The following GPR141 variants were observed in gnomAD, a reference collection of about 807,000 sequenced individuals.
GPR141 encodes probable G protein-coupled receptor 141.
In GPR141, 6 loss-of-function variants were observed where a neutral mutation model predicts 6.8. The observed-to-expected ratio is 0.88, with a 90% CI of 0.48 to 1.74. The LOEUF (loss-of-function observed/expected upper bound fraction) is 1.74, where lower values mean the gene tolerates loss of function less well. GPR141 is among the 40% of genes most tolerant of loss of function. The pLI, the probability that GPR141 is intolerant of heterozygous loss-of-function variation, is 0.01. For missense variants in GPR141, 372 were observed against 372.9 expected (o/e 1.00, Z 0.02); for synonymous variants, 140 against 142.3 (o/e 0.98, Z 0.11).
intron 2 of GPR141, among the ~76,000 whole-genome samples, chr7:37,739,008 A>G (rs2131864447): frequency 6.6e-6 from 1 of 152,252 alleles, no homozygotes; most frequent in Middle Eastern, 3.4e-3. Flanking sequence ...ATATATCTAT[A>G]TGTCTATGTA....
intron 2 of GPR141, among the ~76,000 whole-genome samples, chr7:37,733,501 G>A (rs765605926): frequency 2.6e-5 from 4 of 151,736 alleles, no homozygotes; most frequent in African/African-American, 4.8e-5. Context: ...GTGAAACTCC[G>A]TCTCTACTAT....
intron 2 of GPR141, among the ~76,000 whole-genome samples, chr7:37,708,570 A>C (rs888259911): frequency 1.3e-5 from 2 of 152,154 alleles, no homozygotes; most frequent in African/African-American, 2.4e-5. Flanking sequence ...CATGCTGTAC[A>C]TACAGTAAAG....
In GPR141 at chr7:37,740,592, C is replaced by T; in HGVS notation, c.199C>T (p.Leu67=). The T allele has an allele frequency of 6.2e-7, 1 of 1,614,062 alleles. No individual in the cohort carries two copies. The highest frequency in any genetic ancestry group is 1.3e-5 in the African/African-American group (1 of 75,018). The change falls in exon 3 of 3, where the codon CTG becomes TTG. Residue 67 remains leucine, a synonymous_variant. Transcript: ENST00000334425. ...NLVVVHSVFL[L]TVPFRLTYLI... ...GGTGGTGGTCCACAGCGTTTTTCTG[C>T]TGACAGTGCCATTTCGCTTGACCTA... is the stretch of plus-strand genomic sequence containing the variant.
At chr7:37,686,140 A>G in intron 2 of GPR141, among the ~76,000 whole-genome samples, 1 of 148,486 alleles carries the variant, frequency 6.7e-6, no homozygotes, top group Non-Finnish European at 1.5e-5. Flanking sequence ...CTGGGAGTGC[A>G]GGTGTGAGCC....
At chr7:37,688,259 C>T (rs775625680) in intron 2 of GPR141, among the ~76,000 whole-genome samples, 9 of 151,814 alleles carry the variant, frequency 5.9e-5, no homozygotes, top group Admixed American at 1.3e-4. Context: ...GGTGAACCCC[C>T]GTCTCTACTA....
intron 2 of GPR141, among the ~76,000 whole-genome samples, chr7:37,722,112 A>G (rs905436155): frequency 2.0e-5 from 3 of 152,238 alleles, no homozygotes; most frequent in Non-Finnish European, 2.9e-5. Context: ...TTCATGTCAT[A>G]TGACCACTTT....
chr7:37,728,091 C>T (rs1287685964), intron 2 of GPR141, among the ~76,000 whole-genome samples: 1 of 152,208 alleles, frequency 6.6e-6, no homozygotes, highest in African/African-American at 2.4e-5. Context: ...TCAATGCACC[C>T]TTCAAGATCC....
rs148581384 is a variant in GPR141 at position 37,725,564 on chromosome 7, A to G, written c.-14-14816A>G. Among the ~76,000 whole-genome samples the G allele has an allele frequency of 5.0e-3, 755 of 152,268 alleles. 5 individuals are homozygous for G. Among genetic ancestry groups the G allele is most frequent in the Non-Finnish European group, 7.5e-3 (512 of 68,000 alleles). On this transcript the variant is annotated intron_variant, in intron 2 of 2. Transcript: ENST00000334425. ...ATTCTCCCCCTCCTCCCTCATCCCC[A>G]AGGCTCAGCTCAGACGCAATTTCTT...
At position 37,740,744 on chromosome 7, in the gene GPR141, C is replaced by T. The variant is rs969471127; in HGVS notation, c.351C>T (p.Phe117=). The T allele has an allele frequency of 6.2e-6, 10 of 1,614,004 alleles. No homozygotes were observed. The South Asian group carries it at 9.9e-5, about 16-fold the overall frequency. Reference sequence around the variant, plus strand: ...TCCTGGTCACCAGATACCTCATCTTCTTCAAGTGCAAAGACAAAGTGGAAT... The same window carrying T: ...TCCTGGTCACCAGATACCTCATCTTTTTCAAGTGCAAAGACAAAGTGGAAT... ...VVILVTRYLI[F]FKCKDKVEFY... The change falls in exon 3 of 3, where the codon TTC becomes TTT. Residue 117 remains phenylalanine (F), a synonymous_variant. Transcript: ENST00000334425.
chr7:37,739,502 G>A (rs559230019), intron 2 of GPR141, among the ~76,000 whole-genome samples: 2 of 152,244 alleles, frequency 1.3e-5, no homozygotes, highest in East Asian at 1.9e-4. Flanking sequence ...AATCTTTATC[G>A]TAGGAGAGAT....
At chr7:37,735,718 G>C (rs1166746504) in intron 2 of GPR141, among the ~76,000 whole-genome samples, 5 of 151,756 alleles carry the variant, frequency 3.3e-5, no homozygotes, top group Admixed American at 6.6e-5. Context: ...GGAAAACCAA[G>C]AGAAAAAAAC....
At chr7:37,693,415 A>G (rs965419367) in intron 2 of GPR141, among the ~76,000 whole-genome samples, 3 of 152,104 alleles carry the variant, frequency 2.0e-5, no homozygotes, top group Admixed American at 1.3e-4. Flanking sequence ...GCCTTGTAGT[A>G]TAGTTTGAAG....
intron 2 of GPR141, among the ~76,000 whole-genome samples, chr7:37,695,787 T>C (rs1194897435): frequency 6.6e-6 from 1 of 152,222 alleles, no homozygotes; most frequent in Admixed American, 6.5e-5. Context: ...CTATACTTTC[T>C]CTTTAAACAC....
rs1422297789 is a variant in GPR141 at position 37,743,499 on chromosome 7, G to A, written c.*2188G>A. Reference sequence around the variant, plus strand: ...TTTGAACCATAAAATTTGTAAGACCGTTACTAAGACCCCTGATAGTTTTAA... The same window carrying A: ...TTTGAACCATAAAATTTGTAAGACCATTACTAAGACCCCTGATAGTTTTAA... On this transcript the variant is annotated 3_prime_UTR_variant, in exon 3 of 3. Coordinates refer to ENST00000334425, the MANE Select transcript of GPR141 (RefSeq NM_001381946.1). Among the ~76,000 whole-genome samples the A allele has an allele frequency of 2.0e-5, 3 of 151,048 alleles. No individual in the cohort carries two copies. Among genetic ancestry groups the A allele is most frequent in the Admixed American group, 6.6e-5 (1 of 15,164 alleles).
intron 2 of GPR141, among the ~76,000 whole-genome samples, chr7:37,690,386 G>A (rs922116645): frequency 5.9e-5 from 9 of 152,002 alleles, no homozygotes; most frequent in African/African-American, 1.9e-4. Context: ...GAGGGTTTTC[G>A]CAAGATCCAC....
At chr7:37,708,816 CATAGAT>C (rs1311383081) in intron 2 of GPR141, among the ~76,000 whole-genome samples, 1 of 152,144 alleles carries the variant, frequency 6.6e-6, no homozygotes, top group Non-Finnish European at 1.5e-5. Flanking sequence ...TACAACATTT[CATAGAT>C]TACAATGTGT....
chr7:37,684,396 A>G (rs1809410952), intron 1 of GPR141, among the ~76,000 whole-genome samples: 2 of 152,232 alleles, frequency 1.3e-5, no homozygotes, highest in South Asian at 4.1e-4. Flanking sequence ...TTTCTAAAAG[A>G]AGTATATTCA....
chr7:37,702,282 A>G lies in GPR141; in HGVS notation c.-15+16699A>G, dbSNP rs115108247. The stretch of plus-strand genomic sequence containing the variant: ...TTAGTTTTTTGTTTACTATTTGTCA[A>G]TATTGTTTTAGGTTTTATTTTTCTC... On this transcript the variant is annotated intron_variant, in intron 2 of 2. Coordinates refer to ENST00000334425, the MANE Select transcript of GPR141 (RefSeq NM_001381946.1). Among the ~76,000 whole-genome samples, 852 of 152,076 alleles carry G rather than the reference A, an allele frequency of 5.6e-3. 9 individuals carry two copies. The highest frequency in any genetic ancestry group is 0.02 in the African/African-American group (823 of 41,524).
chr7:37,719,569 C>T (rs1049044934), intron 2 of GPR141, among the ~76,000 whole-genome samples: 5 of 152,238 alleles, frequency 3.3e-5, no homozygotes, highest in Admixed American at 3.3e-4. Flanking sequence ...TTCCTTTCCT[C>T]AAAAATATTG....
Sources: gnomAD v4.1 joint callset for allele counts (sites outside exome capture counted in the v4.1 genomes callset) on GRCh38, gnomAD v4.1.1 for gene constraint, MANE v1.5 for transcripts, NCBI Gene and HGNC (gene_info 2026-07-23, HGNC 2026-07-21) for gene names.